Variants in PDZD2 observed in about 807,000 individuals in gnomAD.
The protein encoded by PDZD2 is PDZ domain containing 2, also known as PDZ domain-containing protein 2.
A neutral mutation model predicts 220.7 loss-of-function variants in PDZD2; 90 were observed. The observed-to-expected ratio is 0.41, with a 90% CI of 0.34 to 0.49. The LOEUF is 0.49. PDZD2 is among the 20% of genes least tolerant of loss of function. The pLI is 0.28. For missense variants in PDZD2, 3,174 were observed against 3,608.5 expected, an observed-to-expected ratio of 0.88 and a Z score of 3.08; for synonymous variants, 1,375 against 1,450.5, an observed-to-expected ratio of 0.95 and a Z score of 1.18.
intron 1 of PDZD2, among the ~76,000 whole-genome samples, chr5:31,788,544 A>T (rs1753518239): frequency 6.6e-6 from 1 of 151,948 alleles, no homozygotes; most frequent in Non-Finnish European, 1.5e-5. Context: ...GGGCGCCTGT[A>T]GTCCCAGCTG....
intron 1 of PDZD2, among the ~76,000 whole-genome samples, chr5:31,736,672 A>G (rs1174842915): frequency 6.6e-6 from 1 of 152,190 alleles, no homozygotes; most frequent in Admixed American, 6.5e-5. Flanking sequence ...TAGACCTCAG[A>G]TCTATGGTGC....
At chr5:31,711,518 C>CA (rs1748101698) in intron 1 of PDZD2, among the ~76,000 whole-genome samples, 1 of 152,174 alleles carries the variant, frequency 6.6e-6, no homozygotes. Context: ...GGAGCGTGTG[C>CA]AAAAGAAGCA....
At chr5:31,869,568 GA>G (rs527785955) in intron 2 of PDZD2, among the ~76,000 whole-genome samples, 38 of 146,578 alleles carry the variant, frequency 2.6e-4, no homozygotes, top group South Asian at 8.6e-4. Context: ...TGTCTCAAAA[GA>G]AAAAAAAAAC....
At chr5:32,082,309 G>T (rs554835326) in intron 19 of PDZD2, among the ~76,000 whole-genome samples, 2 of 151,984 alleles carry the variant, frequency 1.3e-5, no homozygotes, top group Non-Finnish European at 2.9e-5. Context: ...GGCATAAGCC[G>T]CTGCGCCTAG....
chr5:31,923,618 A>C (rs1744485704), intron 2 of PDZD2: 1 of 731,768 alleles, frequency 1.4e-6, no homozygotes, highest in African/African-American at 1.7e-5. Context: ...GAGATGGGAC[A>C]TCATTCAGTC....
intron 2 of PDZD2, among the ~76,000 whole-genome samples, chr5:31,952,364 A>G (rs892763116): frequency 3.3e-5 from 5 of 152,210 alleles, no homozygotes; most frequent in African/African-American, 1.2e-4. Context: ...TGATCTGGTA[A>G]AAGTAACATT....
At chr5:31,828,515 T>G (rs1756364183) in intron 2 of PDZD2, among the ~76,000 whole-genome samples, 1 of 152,184 alleles carries the variant, frequency 6.6e-6, no homozygotes, top group African/African-American at 2.4e-5. Context: ...TAAGACAGGG[T>G]CTTCCGCTGC....
chr5:31,954,341 A>G (rs1747466986), intron 2 of PDZD2, among the ~76,000 whole-genome samples: 1 of 152,200 alleles, frequency 6.6e-6, no homozygotes, highest in African/African-American at 2.4e-5. Flanking sequence ...TTATTTTTAA[A>G]CTGCTTTCCT....
chr5:32,092,791 A>G (rs1289846042), intron 20 of PDZD2, 116 bp from the exon 21 acceptor site: 3 of 511,260 alleles, frequency 5.9e-6, no homozygotes, highest in South Asian at 3.1e-5. Context: ...AAAAGAGAGC[A>G]GAAAATACCT....
At chr5:31,986,948 A>G (rs1446551311) in intron 3 of PDZD2, among the ~76,000 whole-genome samples, 2 of 152,222 alleles carry the variant, frequency 1.3e-5, no homozygotes, top group Non-Finnish European at 2.9e-5. Context: ...TTCTTTTTAA[A>G]AAATGGTATT....
intron 5 of PDZD2, among the ~76,000 whole-genome samples, chr5:32,006,759 GGCTCAC>G (rs1208333751): frequency 7.1e-6 from 1 of 140,150 alleles, no homozygotes; most frequent in East Asian, 2.1e-4. Flanking sequence ...GTACAATCTT[GGCTCAC>G]TGCGACCTCC....
intron 1 of PDZD2, among the ~76,000 whole-genome samples, chr5:31,653,243 C>T (rs751244189): frequency 1.2e-4 from 19 of 152,116 alleles, no homozygotes; most frequent in African/African-American, 3.9e-4. Flanking sequence ...CAGTTGATAT[C>T]AGCTGTGGGG....
rs570167205 is a variant in PDZD2 at position 31,966,835 on chromosome 5, G to A, written c.477-16320G>A. On this transcript the variant is annotated intron_variant, in intron 2 of 24. Coordinates refer to ENST00000438447, the MANE Select transcript of PDZD2 (RefSeq NM_178140.4). ...AGCAAGCCAGTCTGCATGAGCCATC[G>A]TAGATTAGGGGACTTGCCGGCCCCA... Among the ~76,000 whole-genome samples the A allele has an allele frequency of 1.4e-4, 21 of 152,264 alleles. 1 individual carries two copies. In the South Asian group the frequency reaches 3.7e-3, roughly 27 times the overall value.
intron 8 of PDZD2, among the ~76,000 whole-genome samples, 175 bp downstream of exon 8, chr5:32,048,859 A>G (rs917313613): frequency 6.6e-6 from 1 of 152,200 alleles, no homozygotes; most frequent in Non-Finnish European, 1.5e-5. Flanking sequence ...AATACTTGAA[A>G]ATAGTGGGGG....
chr5:32,092,040 G>T (rs991310391), intron 20 of PDZD2, among the ~76,000 whole-genome samples: 4 of 152,176 alleles, frequency 2.6e-5, no homozygotes, highest in Admixed American at 1.3e-4. Context: ...TTAGGAGGCT[G>T]AGCCGGGCAG....
At chr5:31,862,355 C>T (rs1399064721) in intron 2 of PDZD2, among the ~76,000 whole-genome samples, 3 of 151,790 alleles carry the variant, frequency 2.0e-5, no homozygotes, top group Non-Finnish European at 2.9e-5. Context: ...CCACCCGTCT[C>T]GGCCTCCCAA....
At chr5:31,730,591 T>G (rs4994124) in intron 1 of PDZD2, among the ~76,000 whole-genome samples, 29,392 of 104,132 alleles carry the variant, frequency 0.28, 2,973 homozygotes, top group Admixed American at 0.35. Flanking sequence ...TGTGTGTGTG[T>G]GGTGTGTGTG....
chr5:31,954,641 A>C (rs1430322286), intron 2 of PDZD2, among the ~76,000 whole-genome samples: 1 of 152,168 alleles, frequency 6.6e-6, no homozygotes, highest in African/African-American at 2.4e-5. Context: ...AAAAACCACT[A>C]AGAGGGGCTG....
At chr5:31,862,819 C>T (rs903710783) in intron 2 of PDZD2, among the ~76,000 whole-genome samples, 1 of 152,166 alleles carries the variant, frequency 6.6e-6, no homozygotes, top group Admixed American at 6.5e-5. Flanking sequence ...CCTCTGCCTC[C>T]CGGGTTCAGT....
Sources: gnomAD v4.1 joint callset for allele counts (sites outside exome capture counted in the v4.1 genomes callset) on GRCh38, gnomAD v4.1.1 for gene constraint, MANE v1.5 for transcripts, NCBI Gene and HGNC (gene_info 2026-07-23, HGNC 2026-07-21) for gene names.